LRRC28: variants seen among roughly 807,000 people sequenced by gnomAD.
The protein encoded by LRRC28 is leucine-rich repeat-containing protein 28.
LRRC28 carries 39 observed loss-of-function variants against 45.7 expected under a neutral mutation model. That is an observed-to-expected ratio of 0.85 (90% CI 0.66 to 1.12). The LOEUF is 1.12. Ranked by LOEUF, LRRC28 falls within the 50% of genes most tolerant of loss-of-function variation. The pLI is 0.00. For missense variants in LRRC28, 435 were observed against 438.5 expected (o/e 0.99, Z 0.07); for synonymous variants, 206 against 178.8 (o/e 1.15, Z -1.22).
intron 6 of LRRC28, among the ~76,000 whole-genome samples, chr15:99,346,452 TAAG>T (rs936896841): frequency 5.3e-5 from 8 of 152,196 alleles, no homozygotes; most frequent in Non-Finnish European, 1.2e-4. Flanking sequence ...TTTAATACAA[TAAG>T]AAATAAAATT....
At chr15:99,258,394 C>A in intron 2 of LRRC28, 1 of 1,011,340 alleles carries the variant, frequency 9.9e-7, no homozygotes, top group Non-Finnish European at 1.6e-6. Flanking sequence ...CATTTGATTA[C>A]CTTGCATTGG....
chr15:99,345,339 G>A (rs1956645232), intron 6 of LRRC28, among the ~76,000 whole-genome samples: 3 of 152,092 alleles, frequency 2.0e-5, no homozygotes, highest in African/African-American at 7.2e-5. Flanking sequence ...GAGATCATTT[G>A]CATTTTATCA....
intron 5 of LRRC28, among the ~76,000 whole-genome samples, chr15:99,329,634 A>G (rs1956095030): frequency 6.6e-6 from 1 of 152,244 alleles, no homozygotes; most frequent in Non-Finnish European, 1.5e-5. Flanking sequence ...AAACTTCCTC[A>G]GTAAATGAAG....
chr15:99,292,654 G>A (rs1013512818), intron 5 of LRRC28, among the ~76,000 whole-genome samples: 8 of 152,172 alleles, frequency 5.3e-5, no homozygotes, highest in East Asian at 3.9e-4. Flanking sequence ...GTGAGCCACC[G>A]CGCCCAGCCT....
intron 5 of LRRC28, among the ~76,000 whole-genome samples, chr15:99,315,292 A>G (rs1395241265): frequency 6.7e-6 from 1 of 148,252 alleles, no homozygotes; most frequent in Non-Finnish European, 1.5e-5. Context: ...TTATTGTTTT[A>G]GGTGCTGTTT....
At chr15:99,286,482 A>T (rs1461518093) in intron 3 of LRRC28, among the ~76,000 whole-genome samples, 1 of 152,178 alleles carries the variant, frequency 6.6e-6, no homozygotes, top group Non-Finnish European at 1.5e-5. Flanking sequence ...TTTTTACTAA[A>T]ATCTTGTTCT....
intron 5 of LRRC28, among the ~76,000 whole-genome samples, chr15:99,311,360 C>T (rs1249261599): frequency 4.6e-5 from 7 of 152,024 alleles, no homozygotes; most frequent in Admixed American, 3.9e-4. Flanking sequence ...GTTGTGTGTT[C>T]GTTCTCATTC....
chr15:99,258,037 T>C, intron 2 of LRRC28: 1 of 1,213,384 alleles, frequency 8.2e-7, no homozygotes. Flanking sequence ...TTAAGTGTGA[T>C]AAGGTGAAGA....
chr15:99,339,714 GAAAA>G (rs552093424), intron 6 of LRRC28, among the ~76,000 whole-genome samples: 3 of 134,134 alleles, frequency 2.2e-5, no homozygotes, highest in Non-Finnish European at 4.9e-5. Flanking sequence ...AACAGAGTGA[GAAAA>G]AAAAAAAAAA....
chr15:99,262,828 T>C (rs150712390), intron 2 of LRRC28, among the ~76,000 whole-genome samples: 101 of 151,664 alleles, frequency 6.7e-4, no homozygotes, highest in African/African-American at 2.3e-3. Flanking sequence ...TTTACAACTT[T>C]TTATAGAGAT....
chr15:99,339,646 G>A (rs1037767310), intron 6 of LRRC28, among the ~76,000 whole-genome samples: 10 of 151,430 alleles, frequency 6.6e-5, no homozygotes, highest in African/African-American at 2.4e-4. Flanking sequence ...CCCCAAAATC[G>A]CTTGAACCCG....
At chr15:99,307,378 A>G (rs1424407765) in intron 5 of LRRC28, among the ~76,000 whole-genome samples, 1 of 152,222 alleles carries the variant, frequency 6.6e-6, no homozygotes, top group Non-Finnish European at 1.5e-5. Flanking sequence ...CAAAAGTGTG[A>G]AAGAAAGAAT....
intron 5 of LRRC28, among the ~76,000 whole-genome samples, chr15:99,308,416 C>T (rs1567648670): frequency 6.6e-6 from 1 of 152,144 alleles, no homozygotes; most frequent in Non-Finnish European, 1.5e-5. Flanking sequence ...CCTATAATCC[C>T]AGCACTTTGG....
chr15:99,348,584 G>T (rs1956769485), intron 6 of LRRC28, among the ~76,000 whole-genome samples: 1 of 151,984 alleles, frequency 6.6e-6, no homozygotes, highest in Non-Finnish European at 1.5e-5. Flanking sequence ...TTCATTTCTG[G>T]ACTCTCTGTT....
chr15:99,278,446 C>T (rs957489272), intron 3 of LRRC28, among the ~76,000 whole-genome samples: 3 of 152,118 alleles, frequency 2.0e-5, no homozygotes, highest in Admixed American at 2.0e-4. Context: ...CGGGGTTTCA[C>T]CATCTTGGCC....
At chr15:99,269,762 C>T (rs1412791407) in intron 2 of LRRC28, among the ~76,000 whole-genome samples, 1 of 152,140 alleles carries the variant, frequency 6.6e-6, no homozygotes, top group Non-Finnish European at 1.5e-5. Flanking sequence ...CACATAGCCA[C>T]ATTTTAAGTG....
intron 6 of LRRC28, among the ~76,000 whole-genome samples, chr15:99,334,811 A>C (rs1956271967): frequency 6.6e-6 from 1 of 152,184 alleles, no homozygotes. Flanking sequence ...GCCACTTTGA[A>C]CCTTAAACTG....
At chr15:99,307,350 C>T (rs1567647690) in intron 5 of LRRC28, among the ~76,000 whole-genome samples, 2 of 152,146 alleles carry the variant, frequency 1.3e-5, no homozygotes, top group Non-Finnish European at 2.9e-5. Flanking sequence ...TAAGATTTCC[C>T]ATCCCATAAA....
At chr15:99,301,570 C>T (rs937445846) in intron 5 of LRRC28, among the ~76,000 whole-genome samples, 49 of 152,190 alleles carry the variant, frequency 3.2e-4, no homozygotes, top group East Asian at 1.9e-4. Flanking sequence ...TCTGTGTCTC[C>T]ATTTTCTTAT....
Sources: gnomAD v4.1 joint callset for allele counts (sites outside exome capture counted in the v4.1 genomes callset) on GRCh38, gnomAD v4.1.1 for gene constraint, MANE v1.5 for transcripts, NCBI Gene and HGNC (gene_info 2026-07-23, HGNC 2026-07-21) for gene names.